CEP70: variants seen among roughly 807,000 people sequenced by gnomAD.
The protein encoded by CEP70 is centrosomal protein 70.
CEP70 carries 70 observed loss-of-function variants against 90.9 expected under a neutral mutation model. That is an observed-to-expected ratio of 0.77 (90% CI 0.64 to 0.94). The LOEUF (loss-of-function observed/expected upper bound fraction) is 0.94, where lower values mean the gene tolerates loss of function less well. Among genes scored for constraint, CEP70 ranks in the 40% least tolerant of loss-of-function variants. CEP70 has a pLI of 0.00. For missense variants in CEP70, 648 were observed against 669.0 expected (o/e 0.97, Z 0.35); for synonymous variants, 220 against 228.3 (o/e 0.96, Z 0.33).
intron 2 of CEP70, among the ~76,000 whole-genome samples, chr3:138,573,903 A>G (rs1211210144): frequency 6.6e-6 from 1 of 152,214 alleles, no homozygotes; most frequent in Non-Finnish European, 1.5e-5. Flanking sequence ...ACAGAAGTAT[A>G]TAATTTTCTA....
At chr3:138,526,006 TGTTC>T (rs1422626576) in intron 10 of CEP70, among the ~76,000 whole-genome samples, 1 of 152,194 alleles carries the variant, frequency 6.6e-6, no homozygotes, top group African/African-American at 2.4e-5. Flanking sequence ...CTCAATTCAT[TGTTC>T]ATTATTCCCA....
chr3:138,542,039 C>T (rs181582476), intron 6 of CEP70, among the ~76,000 whole-genome samples: 51 of 152,320 alleles, frequency 3.3e-4, no homozygotes, highest in Non-Finnish European at 4.7e-4. Flanking sequence ...TCTGCCCACT[C>T]GGCCTGGCAG....
intron 2 of CEP70, among the ~76,000 whole-genome samples, chr3:138,589,084 C>T (rs1022011013): frequency 2.6e-5 from 4 of 151,950 alleles, no homozygotes; most frequent in East Asian, 1.9e-4. Flanking sequence ...AGACTACTAA[C>T]GAGAACAAGG....
intron 6 of CEP70, among the ~76,000 whole-genome samples, chr3:138,550,158 A>G (rs906673664): frequency 2.6e-5 from 4 of 152,158 alleles, no homozygotes; most frequent in African/African-American, 9.7e-5. Flanking sequence ...AGGCTCTTTA[A>G]CACTCCCCAA....
intron 11 of CEP70, among the ~76,000 whole-genome samples, chr3:138,519,692 T>C (rs1262781112): frequency 2.0e-5 from 3 of 152,016 alleles, no homozygotes; most frequent in Non-Finnish European, 4.4e-5. Context: ...GCAATAAACA[T>C]GGAAAGGAAC....
intron 6 of CEP70, among the ~76,000 whole-genome samples, chr3:138,570,048 A>C (rs1031575880): frequency 6.6e-6 from 1 of 152,166 alleles, no homozygotes; most frequent in African/African-American, 2.4e-5. Flanking sequence ...AAGAAAGAGA[A>C]AAGATCTAAG....
rs148222766 is a variant in CEP70 at position 138,566,681 on chromosome 3, G to A, written c.465+3637C>T. 4.5e-3 allele frequency among the ~76,000 whole-genome samples: 683 copies of A among 151,992 alleles called. 2 individuals carry two copies. The highest frequency in any genetic ancestry group is 0.016 in the African/African-American group (652 of 41,438). ...GTCAGGGGCTTGGGGGCTAGGGGAGGGATAGCATTAGGAGAAATACCTAAT... is the reference window on the plus strand; with the variant it reads ...GTCAGGGGCTTGGGGGCTAGGGGAGAGATAGCATTAGGAGAAATACCTAAT... On this transcript the variant is annotated intron_variant, in intron 6 of 17. Coordinates refer to ENST00000264982, the MANE Select transcript of CEP70 (RefSeq NM_024491.4).
chr3:138,575,394 G>T (rs1037025714), intron 2 of CEP70, among the ~76,000 whole-genome samples: 1 of 152,082 alleles, frequency 6.6e-6, no homozygotes, highest in African/African-American at 2.4e-5. Context: ...GAGAAGAGAA[G>T]TTTAGAGAAA....
chr3:138,528,019 A>C (rs974387618), intron 10 of CEP70, among the ~76,000 whole-genome samples: 1 of 151,864 alleles, frequency 6.6e-6, no homozygotes, highest in East Asian at 1.9e-4. Flanking sequence ...AAAGCAAAAA[A>C]AAAAAAAAGA....
At chr3:138,499,826 C>T (rs1484428948) in intron 16 of CEP70, 15 of 279,622 alleles carry the variant, frequency 5.4e-5, no homozygotes, top group East Asian at 4.4e-4. Flanking sequence ...GGCGTGGTGG[C>T]GTGTGCTTAC....
chr3:138,546,913 A>T (rs1258920781), intron 6 of CEP70, among the ~76,000 whole-genome samples: 1 of 152,194 alleles, frequency 6.6e-6, no homozygotes, highest in Non-Finnish European at 1.5e-5. Context: ...GCACATGTTC[A>T]TGTGCCCATG....
chr3:138,513,327 AGGGGCCT>A (rs1195960841), intron 11 of CEP70, among the ~76,000 whole-genome samples: 1 of 152,184 alleles, frequency 6.6e-6, no homozygotes, highest in Admixed American at 6.5e-5. Context: ...CACCTGCATT[AGGGGCCT>A]CTTTACTTGG....
At chr3:138,520,877 T>A (rs2036551038) in intron 11 of CEP70, among the ~76,000 whole-genome samples, 2 of 152,168 alleles carry the variant, frequency 1.3e-5, no homozygotes, top group African/African-American at 4.8e-5. Context: ...TGGACTGTAC[T>A]GCCGCGATCT....
intron 11 of CEP70, among the ~76,000 whole-genome samples, chr3:138,518,593 G>A (rs937154943): frequency 3.3e-5 from 5 of 152,158 alleles, no homozygotes; most frequent in African/African-American, 4.8e-5. Flanking sequence ...GACCTCCAGC[G>A]AACTCCAACA....
intron 10 of CEP70, among the ~76,000 whole-genome samples, chr3:138,528,749 TG>T (rs34294543): frequency 0.54 from 82,427 of 151,802 alleles, 23,981 homozygotes; most frequent in African/African-American, 0.76. Context: ...CCCAGCACTT[TG>T]GGGAGGCCAA....
rs57447148 is a variant in CEP70, at chr3:138,537,001, C to CAAAA, written c.635+173_635+176dup. On this transcript the variant is annotated intron_variant, in intron 7 of 17. Coordinates refer to ENST00000264982, the MANE Select transcript of CEP70 (RefSeq NM_024491.4). ...TCCATTCTTCAAAGGACCTCTAGAACAAAAAAAAAAAAAAAAAAGAACAGG... is the reference window on the plus strand; with the variant it reads ...TCCATTCTTCAAAGGACCTCTAGAACAAAAAAAAAAAAAAAAAAAAAAGAACAGG... 1.9e-3 allele frequency: 479 copies of CAAAA among 250,402 alleles called. 1 individual carries two copies. The highest frequency in any genetic ancestry group is 4.6e-3 in the East Asian group (80 of 17,468). The allele number at this position is 250,402 out of a possible 1,614,324, so 15.5% of individuals were successfully genotyped here.
At chr3:138,552,527 C>G (rs2039697204) in intron 6 of CEP70, among the ~76,000 whole-genome samples, 1 of 152,128 alleles carries the variant, frequency 6.6e-6, no homozygotes, top group Non-Finnish European at 1.5e-5. Context: ...AAGGTACCTT[C>G]AAAGCCATGC....
intron 2 of CEP70, among the ~76,000 whole-genome samples, chr3:138,574,057 A>G (rs2041352721): frequency 6.6e-6 from 1 of 152,002 alleles, no homozygotes; most frequent in Admixed American, 6.6e-5. Flanking sequence ...TGCGTTTCCA[A>G]CTGAGGTACC....
chr3:138,520,999 G>A (rs549463035), intron 11 of CEP70, among the ~76,000 whole-genome samples: 14 of 152,270 alleles, frequency 9.2e-5, no homozygotes, highest in African/African-American at 2.9e-4. Context: ...TGGTGGAGAC[G>A]GGGTTTCGCC....
Sources: gnomAD v4.1 joint callset for allele counts (sites outside exome capture counted in the v4.1 genomes callset) on GRCh38, gnomAD v4.1.1 for gene constraint, MANE v1.5 for transcripts, NCBI Gene and HGNC (gene_info 2026-07-23, HGNC 2026-07-21) for gene names.